PIGV: variants seen among roughly 807,000 people sequenced by gnomAD.
PIGV encodes the protein GPI alpha-1,6-mannosyltransferase 2.
In PIGV, 27 loss-of-function variants were observed where a neutral mutation model predicts 39.2. The ratio of observed to expected loss-of-function variants is 0.69; its 90% confidence interval spans 0.51 to 0.95. The LOEUF (loss-of-function observed/expected upper bound fraction) is 0.95, where lower values mean the gene tolerates loss of function less well. Ranked by LOEUF, PIGV falls within the 40% of genes least tolerant of loss-of-function variation. The pLI is 0.00. For missense variants in PIGV, 523 were observed against 586.4 expected, an observed-to-expected ratio of 0.89 and a Z score of 1.12; for synonymous variants, 232 against 241.7, an observed-to-expected ratio of 0.96 and a Z score of 0.37.
chr1:26,795,340 A>AT (rs1570645015), intron 3 of PIGV, 106 bp downstream of exon 3: 2 of 1,291,060 alleles, frequency 1.5e-6, no homozygotes, highest in Non-Finnish European at 2.2e-6. Context: ...TCCATACTGA[A>AT]TTTATTCATT....
Position 26,799,335 on chromosome 1 carries a change from GC to G in PIGV, c.*1496del, listed in dbSNP as rs879750542. ...GAAATGGTATCTGCCCTGCTTCCTG[GC>G]CCCCGTTTGGTCATGAGCCTATCAC... is the stretch of plus-strand genomic sequence containing the variant. On this transcript the variant is annotated 3_prime_UTR_variant, in exon 4 of 4. Transcript: ENST00000674202. Among the ~76,000 whole-genome samples, 20 of 152,146 alleles carry G rather than the reference GC, an allele frequency of 1.3e-4. No homozygotes were observed. Among genetic ancestry groups the G allele is most frequent in the Non-Finnish European group, 2.6e-4 (18 of 68,034 alleles).
Position 26,797,741 on chromosome 1 carries a change from AC to A in PIGV, c.1380del (p.Trp461GlyfsTer12). On this transcript the variant is annotated frameshift_variant, in exon 4 of 4. Transcript: ENST00000674202. LOFTEE classifies it high-confidence loss of function. ...PRNPIMGLLY[H>X]WKTCSPVTRY... ...AATCCTATCATGGGACTTTTGTATC[AC>A]TGGAAAACCTGTTCTCCAGTCACAC... The A allele has an allele frequency of 6.2e-7, 1 of 1,614,084 alleles. No homozygotes were observed. The highest frequency in any genetic ancestry group is 8.5e-7 in the Non-Finnish European group (1 of 1,179,946).
chr1:26,791,251 A>G (rs948766982), intron 2 of PIGV, among the ~76,000 whole-genome samples: 2 of 152,208 alleles, frequency 1.3e-5, no homozygotes, highest in African/African-American at 4.8e-5. Flanking sequence ...GGGACAGCTC[A>G]AAGTATTGCC....
At chr1:26,790,956 AG>A in intron 2 of PIGV, 63 bp downstream of exon 2, 9 of 1,341,234 alleles carry the variant, frequency 6.7e-6, no homozygotes, top group Non-Finnish European at 9.6e-6. Context: ...GGCAGTAAGA[AG>A]TGTCCCCATC....
rs2124184833 is a variant in PIGV, at chr1:26,791,985, G to A, written c.78+1092G>A. On this transcript the variant is annotated intron_variant, in intron 2 of 3. Coordinates refer to ENST00000674202, the MANE Select transcript of PIGV (RefSeq NM_017837.4). ...CAGGATAGGGAACCAGGACAGCTGG[G>A]CTCTAATTCGGGTGGTAATTTTGGA... 2.0e-5 allele frequency among the ~76,000 whole-genome samples: 3 copies of A among 152,324 alleles called. 1 individual carries two copies. In the South Asian group the frequency reaches 6.2e-4, roughly 32 times the overall value.
At chr1:26,793,498 G>A (rs1458437716) in intron 2 of PIGV, among the ~76,000 whole-genome samples, 1 of 152,138 alleles carries the variant, frequency 6.6e-6, no homozygotes, top group Non-Finnish European at 1.5e-5. Context: ...GCTCTCTTGG[G>A]TTCCCTGCCA....
In PIGV at chr1:26,795,004, C is replaced by T. The variant is rs373315999; in HGVS notation, c.970C>T (p.Gln324Ter). The T allele has an allele frequency of 1.4e-5, 23 of 1,614,216 alleles. No homozygotes were observed. Among genetic ancestry groups the T allele is most frequent in the Non-Finnish European group, 1.9e-5 (22 of 1,180,034 alleles). ...CTTTTTGAAATACTATGAGCTCAAG[C>T]AGGTGCCCAATTTTCTACTGGCTGC... is the stretch of plus-strand genomic sequence containing the variant. ...VGFLKYYELK[Q>*]VPNFLLAAPV... The change falls in exon 3 of 4, where the codon CAG becomes TAG. Residue 324 changes from glutamine (Q) to a stop codon, truncating the protein, a stop_gained. Coordinates refer to ENST00000674202, the MANE Select transcript of PIGV (RefSeq NM_017837.4). LOFTEE classifies it high-confidence loss of function.
In PIGV at chr1:26,794,523, C is replaced by T. The variant is rs2081354119; in HGVS notation, c.489C>T (p.Phe163=). ...TCTGTCTCAGCCCTGCCAATGTCTT[C>T]CTGGCAGCTGGTTACTCAGAAGCTT... ...LLFCLSPANV[F]LAAGYSEALF... The change falls in exon 3 of 4, where the codon TTC becomes TTT. Residue 163 remains phenylalanine, a synonymous_variant. Coordinates refer to ENST00000674202, the MANE Select transcript of PIGV (RefSeq NM_017837.4). 1.2e-6 allele frequency: 2 copies of T among 1,614,116 alleles called. No homozygotes were observed. Among genetic ancestry groups the T allele is most frequent in the African/African-American group, 1.3e-5 (1 of 74,940 alleles).
rs1392375232 is a variant in PIGV, at chr1:26,799,349, A to G, written c.*1505A>G. Among the ~76,000 whole-genome samples, 2 of 152,208 alleles carry G rather than the reference A, an allele frequency of 1.3e-5. No homozygotes were observed. Among genetic ancestry groups the G allele is most frequent in the African/African-American group, 4.8e-5 (2 of 41,462 alleles). On this transcript the variant is annotated 3_prime_UTR_variant, in exon 4 of 4. Coordinates refer to ENST00000674202, the MANE Select transcript of PIGV (RefSeq NM_017837.4). ...CCTGCTTCCTGGCCCCCGTTTGGTC[A>G]TGAGCCTATCACTATAATGGTAGTA...
Position 26,794,898 on chromosome 1 carries a change from A to C in PIGV, c.864A>C (p.Ala288=), listed in dbSNP as rs2081361178. 2 of 1,614,092 alleles carry C rather than the reference A, an allele frequency of 1.2e-6. No homozygotes were observed. The highest frequency in any genetic ancestry group is 2.7e-5 in the African/African-American group (2 of 74,934). The change falls in exon 3 of 4, where the codon GCA becomes GCC. Residue 288 remains alanine, a synonymous_variant. Coordinates refer to ENST00000674202, the MANE Select transcript of PIGV (RefSeq NM_017837.4). The stretch of plus-strand genomic sequence containing the variant: ...CTGTAGACAAGGGCTACCGGATTGC[A>C]GAGGGAAATGAACCGCCTTGGTGCT... The part of the protein sequence containing the change: ...QLAVDKGYRI[A]EGNEPPWCFW...
At position 26,794,370 on chromosome 1, in the gene PIGV, C is replaced by T; in HGVS notation, c.336C>T (p.Arg112=). The T allele has an allele frequency of 6.2e-7, 1 of 1,614,244 alleles. No homozygotes were observed. Among genetic ancestry groups the T allele is most frequent in the Non-Finnish European group, 8.5e-7 (1 of 1,180,032 alleles). Residue 112 remains arginine, a synonymous_variant, in exon 3 of 4, where the codon CGC becomes CGT. Coordinates refer to ENST00000674202, the MANE Select transcript of PIGV (RefSeq NM_017837.4). ...LRPLRGLLSL[R]SCLLISVASL... ...CCTTACGGGGGTTACTGAGTCTACG[C>T]AGTTGCCTGCTGATTTCGGTAGCAT...
intron 1 of PIGV, 114 bp downstream of exon 1, chr1:26,788,382 C>G (rs1237352699): frequency 6.6e-6 from 1 of 152,286 alleles, no homozygotes; most frequent in East Asian, 1.9e-4. Context: ...GCCTTTGGCT[C>G]TGAGGACCCT....
Position 26,789,606 on chromosome 1 carries a change from A to G in PIGV, c.-57-1153A>G, listed in dbSNP as rs2081285074. 2.0e-5 allele frequency among the ~76,000 whole-genome samples: 3 copies of G among 152,218 alleles called. 1 individual carries two copies. In the South Asian group the frequency reaches 6.2e-4, roughly 31 times the overall value. ...AGGCCCTGGGATATAGTTGTGATGT[A>G]AAGCCCCTGCCCTTAGCAACTTAAA... On this transcript the variant is annotated intron_variant, in intron 1 of 3. Coordinates refer to ENST00000674202, the MANE Select transcript of PIGV (RefSeq NM_017837.4).
intron 3 of PIGV, among the ~76,000 whole-genome samples, chr1:26,796,593 A>T (rs1275373797): frequency 6.6e-6 from 1 of 152,226 alleles, no homozygotes; most frequent in Non-Finnish European, 1.5e-5. Flanking sequence ...CCATATAAGA[A>T]GCAGAGGAGG....
At position 26,794,576 on chromosome 1, in the gene PIGV, T is replaced by TG; in HGVS notation, c.546dup (p.Gln183AlafsTer10). The TG allele has an allele frequency of 1.2e-6, 2 of 1,614,238 alleles. No individual in the cohort carries two copies. The highest frequency in any genetic ancestry group is 1.7e-6 in the Non-Finnish European group (2 of 1,180,044). ...TTTGCCCTCCTGACATTCAGTGCCA[T>TG]GGGGCAGCTGGAGAGGGGCCGAGTC... On this transcript the variant is annotated frameshift_variant, in exon 3 of 4. Coordinates refer to ENST00000674202, the MANE Select transcript of PIGV (RefSeq NM_017837.4). LOFTEE classifies it high-confidence loss of function.
At position 26,790,890 on chromosome 1, in the gene PIGV, G is replaced by T. The variant is rs761264374; in HGVS notation, c.75G>T (p.Leu25=). Residue 25 remains leucine (L), a synonymous_variant, in exon 2 of 4, where the codon CTG becomes CTT. Transcript: ENST00000674202. ...GCTGCCGTATCCTGACTCTGATGCT[G>T]CAGGTCAGTCTCCCATCCTTTGTCC... is the stretch of plus-strand genomic sequence containing the variant. ...AVSCRILTLM[L]QALFNAIIPD... 6.2e-7 allele frequency: 1 copy of T among 1,612,640 alleles called. No individual in the cohort carries two copies. Among genetic ancestry groups the T allele is most frequent in the Non-Finnish European group, 8.5e-7 (1 of 1,178,666 alleles).
chr1:26,797,668 T>C lies in PIGV; in HGVS notation c.1306T>C (p.Trp436Arg). The change falls in exon 4 of 4, where the codon TGG becomes CGG. Residue 436 changes from tryptophan (W) to arginine (R), a missense_variant. Trp to Arg is a moderately radical substitution (Grantham distance 101). Coordinates refer to ENST00000674202, the MANE Select transcript of PIGV (RefSeq NM_017837.4). ...PLLRSLKTVPWKPLAEDSPPG... is the reference protein window; with the variant it reads ...PLLRSLKTVPRKPLAEDSPPG... ...GTTGAGATCCTTAAAGACTGTGCCTTGGAAGCCTCTTGCAGAGGACTCCCC... is the reference window on the plus strand; with the variant it reads ...GTTGAGATCCTTAAAGACTGTGCCTCGGAAGCCTCTTGCAGAGGACTCCCC... 6.2e-7 allele frequency: 1 copy of C among 1,614,196 alleles called. No individual in the cohort carries two copies. The highest frequency in any genetic ancestry group is 8.5e-7 in the Non-Finnish European group (1 of 1,180,012).
Position 26,797,970 on chromosome 1 carries a change from C to CTT in PIGV, c.*128_*129dup. 1 of 903,840 alleles carries CTT rather than the reference C, an allele frequency of 1.1e-6. No individual in the cohort carries two copies. The highest frequency in any genetic ancestry group is 1.4e-5 in the South Asian group (1 of 72,266). The allele number at this position is 903,840 out of a possible 1,614,324, so 56.0% of individuals were successfully genotyped here. ...TGTCCATTATAATCTTTCTCTTTCTCTTTGAAAGCTGGTCAGGAATGGGAG... is the reference window on the plus strand; with the variant it reads ...TGTCCATTATAATCTTTCTCTTTCTCTTTTTGAAAGCTGGTCAGGAATGGGAG... On this transcript the variant is annotated 3_prime_UTR_variant, in exon 4 of 4. Coordinates refer to ENST00000674202, the MANE Select transcript of PIGV (RefSeq NM_017837.4).
At position 26,800,408 on chromosome 1, in the gene PIGV, CAG is replaced by C. The variant is rs1264802278; in HGVS notation, c.*2566_*2567del. ...ATTTCCTTCTGAGACCCTGCTAAAA[CAG>C]AAACCAGACGCCTCAGCCTCACGTA... On this transcript the variant is annotated 3_prime_UTR_variant, in exon 4 of 4. Transcript: ENST00000674202. Among the ~76,000 whole-genome samples, 1 of 151,986 alleles carries C rather than the reference CAG, an allele frequency of 6.6e-6. No homozygotes were observed. Among genetic ancestry groups the C allele is most frequent in the African/African-American group, 2.4e-5 (1 of 41,452 alleles).
Sources: gnomAD v4.1 joint callset for allele counts (sites outside exome capture counted in the v4.1 genomes callset) on GRCh38, gnomAD v4.1.1 for gene constraint, MANE v1.5 for transcripts, NCBI Gene and HGNC (gene_info 2026-07-23, HGNC 2026-07-21) for gene names.